RNF180: variants seen among roughly 807,000 people sequenced by gnomAD.
RNF180 encodes the protein ring finger protein 180.
In RNF180, 38 loss-of-function variants were observed where a neutral mutation model predicts 59.2. That is an observed-to-expected ratio of 0.64 (90% CI 0.50 to 0.84). The LOEUF is 0.84. Ranked by LOEUF, RNF180 falls within the 40% of genes least tolerant of loss-of-function variation. RNF180 has a pLI of 0.00. For synonymous variants in RNF180, 262 were observed against 240.3 expected (o/e 1.09, Z -0.84); for missense variants, 705 against 700.9 (o/e 1.01, Z -0.07).
chr5:64,182,022 C>T (rs1482509359), intron 1 of RNF180, among the ~76,000 whole-genome samples: 8 of 134,558 alleles, frequency 5.9e-5, no homozygotes, highest in African/African-American at 8.4e-5. Flanking sequence ...GACAGAGTCT[C>T]GCTCTGTCTT....
chr5:64,173,391 T>A (rs1032239190), intron 1 of RNF180, among the ~76,000 whole-genome samples: 11 of 152,200 alleles, frequency 7.2e-5, no homozygotes, highest in African/African-American at 2.7e-4. Context: ...GGGTACAGTG[T>A]GATGTTCTGA....
At chr5:64,180,542 C>T (rs560764641) in intron 1 of RNF180, among the ~76,000 whole-genome samples, 1 of 152,224 alleles carries the variant, frequency 6.6e-6, no homozygotes, top group East Asian at 1.9e-4. Context: ...AAATTTACCA[C>T]AAAACCAAAA....
At chr5:64,179,501 T>C (rs943995442) in intron 1 of RNF180, among the ~76,000 whole-genome samples, 13 of 152,190 alleles carry the variant, frequency 8.5e-5, no homozygotes, top group Non-Finnish European at 1.5e-4. Flanking sequence ...TTTTTATAAA[T>C]CTTACTGTGC....
intron 1 of RNF180, among the ~76,000 whole-genome samples, chr5:64,194,156 C>T (rs1279359146): frequency 1.3e-5 from 2 of 152,044 alleles, no homozygotes; most frequent in African/African-American, 2.4e-5. Context: ...CCTCCCTTTT[C>T]CCCCCACCCC....
rs937514397 is a variant in RNF180, at chr5:64,226,176, G to A, written c.1227+8780G>A. On this transcript the variant is annotated intron_variant, in intron 5 of 7. Transcript: ENST00000389100. ...TACCCCACAGCTCCGAAGAGGCAGCGACCATCGAGAACGGGCCATGATGAC... is the reference window on the plus strand; with the variant it reads ...TACCCCACAGCTCCGAAGAGGCAGCAACCATCGAGAACGGGCCATGATGAC... Among the ~76,000 whole-genome samples the A allele has an allele frequency of 4.6e-5, 7 of 152,342 alleles. No individual in the cohort carries two copies. The East Asian group carries it at 7.7e-4, about 17-fold the overall frequency.
chr5:64,326,760 A>G (rs1177228512), intron 6 of RNF180, among the ~76,000 whole-genome samples: 1 of 152,128 alleles, frequency 6.6e-6, no homozygotes, highest in Non-Finnish European at 1.5e-5. Flanking sequence ...CATCAGGGCT[A>G]TTGGACTGAA....
At chr5:64,324,449 G>A (rs564048726) in intron 5 of RNF180, among the ~76,000 whole-genome samples, 2 of 152,308 alleles carry the variant, frequency 1.3e-5, no homozygotes, top group African/African-American at 4.8e-5. Context: ...ACTCTGCACA[G>A]ACAGAAACTC....
At chr5:64,187,955 C>T (rs182815596) in intron 1 of RNF180, among the ~76,000 whole-genome samples, 20 of 152,274 alleles carry the variant, frequency 1.3e-4, no homozygotes, top group African/African-American at 4.8e-4. Flanking sequence ...TTTCACAGAT[C>T]ATTGACTGTA....
chr5:64,279,251 A>G (rs979792072), intron 5 of RNF180, among the ~76,000 whole-genome samples: 1 of 152,220 alleles, frequency 6.6e-6, no homozygotes, highest in South Asian at 2.1e-4. Context: ...ATTGAGTACA[A>G]TGAGAACTAA....
At chr5:64,259,961 T>C (rs1183220821) in intron 5 of RNF180, among the ~76,000 whole-genome samples, 1 of 151,984 alleles carries the variant, frequency 6.6e-6, no homozygotes, top group Admixed American at 6.6e-5. Flanking sequence ...TCAAACCCTA[T>C]GAAAAGAAGA....
chr5:64,256,323 T>C (rs1029924854), intron 5 of RNF180, among the ~76,000 whole-genome samples: 4 of 152,258 alleles, frequency 2.6e-5, no homozygotes, highest in African/African-American at 9.6e-5. Context: ...CTTCGGTTTT[T>C]ATGGTTTTAG....
chr5:64,356,268 A>T (rs759187350), intron 7 of RNF180, among the ~76,000 whole-genome samples: 22 of 151,858 alleles, frequency 1.4e-4, no homozygotes, highest in Non-Finnish European at 2.9e-4. Flanking sequence ...TCAAAAAAAA[A>T]AATAAATGTG....
At chr5:64,272,816 GA>G (rs1486668016) in intron 5 of RNF180, among the ~76,000 whole-genome samples, 4 of 151,880 alleles carry the variant, frequency 2.6e-5, no homozygotes, top group Non-Finnish European at 4.4e-5. Context: ...TGGATGAATT[GA>G]ATTAGTTAAA....
chr5:64,170,378 A>G (rs929773172), intron 1 of RNF180, among the ~76,000 whole-genome samples: 7 of 152,236 alleles, frequency 4.6e-5, no homozygotes, highest in African/African-American at 1.7e-4. Flanking sequence ...AAGTGGGTCT[A>G]GAAATCTGAC....
intron 1 of RNF180, among the ~76,000 whole-genome samples, chr5:64,180,628 A>G (rs1466475643): frequency 6.6e-6 from 1 of 152,292 alleles, no homozygotes; most frequent in East Asian, 1.9e-4. Context: ...GTTGAGAGGA[A>G]TTTCTCTACT....
intron 7 of RNF180, among the ~76,000 whole-genome samples, chr5:64,358,600 C>T (rs1746118576): frequency 6.6e-6 from 1 of 151,616 alleles, no homozygotes; most frequent in Admixed American, 6.6e-5. Context: ...AGTACAGGCC[C>T]AAGTGGTTTT....
intron 5 of RNF180, among the ~76,000 whole-genome samples, chr5:64,257,062 G>A (rs1309300242): frequency 5.3e-5 from 8 of 152,192 alleles, no homozygotes; most frequent in Non-Finnish European, 2.9e-5. Context: ...TGTATCCTGA[G>A]ACTTTGCTGA....
intron 5 of RNF180, among the ~76,000 whole-genome samples, chr5:64,313,616 C>T (rs1460060142): frequency 1.3e-5 from 2 of 152,052 alleles, no homozygotes; most frequent in East Asian, 1.9e-4. Flanking sequence ...ATGAACATAA[C>T]ATGTGCATGT....
chr5:64,169,091 T>C (rs915786399), intron 1 of RNF180, among the ~76,000 whole-genome samples: 1 of 152,164 alleles, frequency 6.6e-6, no homozygotes, highest in Non-Finnish European at 1.5e-5. Flanking sequence ...TTGCAGCAAA[T>C]CTCCTGTTTT....
Sources: gnomAD v4.1 joint callset for allele counts (sites outside exome capture counted in the v4.1 genomes callset) on GRCh38, gnomAD v4.1.1 for gene constraint, MANE v1.5 for transcripts, NCBI Gene and HGNC (gene_info 2026-07-23, HGNC 2026-07-21) for gene names.